Variants in NDUFAF2 observed in about 807,000 individuals in gnomAD.
NDUFAF2 encodes NADH dehydrogenase [ubiquinone] 1 alpha subcomplex assembly factor 2.
NDUFAF2 carries 13 observed loss-of-function variants against 22.8 expected under a neutral mutation model. That is an observed-to-expected ratio of 0.57 (90% CI 0.37 to 0.91). The LOEUF is 0.91. Ranked by LOEUF, NDUFAF2 falls within the 40% of genes least tolerant of loss-of-function variation. The pLI, the probability that NDUFAF2 is intolerant of heterozygous loss-of-function variation, is 0.01. For missense variants in NDUFAF2, 162 were observed against 195.2 expected, an observed-to-expected ratio of 0.83 and a Z score of 1.01; for synonymous variants, 53 against 64.2, an observed-to-expected ratio of 0.83 and a Z score of 0.84.
chr5:60,961,628 T>C (rs1750687351), intron 1 of NDUFAF2, among the ~76,000 whole-genome samples: 1 of 139,872 alleles, frequency 7.1e-6, no homozygotes, highest in Admixed American at 7.3e-5. Context: ...TAGCCAGACA[T>C]GGTGGCAAAT....
chr5:60,987,881 C>T (rs764023720), intron 1 of NDUFAF2, among the ~76,000 whole-genome samples: 4 of 152,178 alleles, frequency 2.6e-5, no homozygotes. Context: ...AGAATGCCCT[C>T]TCCTACCACT....
At chr5:60,985,158 G>T (rs139549771) in intron 1 of NDUFAF2, among the ~76,000 whole-genome samples, 1 of 152,106 alleles carries the variant, frequency 6.6e-6, no homozygotes, top group Admixed American at 6.6e-5. Context: ...TCCATTTCTT[G>T]TAGATTTTCT....
At chr5:61,096,407 T>C (rs937206709) in intron 2 of NDUFAF2, among the ~76,000 whole-genome samples, 73 of 151,910 alleles carry the variant, frequency 4.8e-4, no homozygotes, top group African/African-American at 1.8e-3. Flanking sequence ...GAGACCATTC[T>C]GGCCAACACG....
intron 3 of NDUFAF2, among the ~76,000 whole-genome samples, chr5:61,144,015 C>T (rs1381396844): frequency 6.9e-6 from 1 of 144,640 alleles, no homozygotes; most frequent in East Asian, 2.0e-4. Flanking sequence ...TGTGTTCAAC[C>T]TGCCTTTTTT....
At chr5:61,061,122 A>T (rs150325925) in intron 1 of NDUFAF2, among the ~76,000 whole-genome samples, 97 of 152,276 alleles carry the variant, frequency 6.4e-4, no homozygotes, top group Middle Eastern at 3.4e-3. Context: ...AATATTAGAA[A>T]TCTTATTTCT....
chr5:61,111,253 G>A (rs1579835954), intron 3 of NDUFAF2, among the ~76,000 whole-genome samples: 2 of 152,286 alleles, frequency 1.3e-5, no homozygotes, highest in Admixed American at 1.3e-4. Flanking sequence ...CCTTGAGAAT[G>A]ATCCATGTGC....
intron 1 of NDUFAF2, among the ~76,000 whole-genome samples, chr5:61,062,386 T>G (rs1752176063): frequency 6.6e-6 from 1 of 151,982 alleles, no homozygotes; most frequent in Non-Finnish European, 1.5e-5. Flanking sequence ...AACAGAAATC[T>G]TGGAGCTGAA....
chr5:61,044,033 T>A (rs1366480418), intron 1 of NDUFAF2, among the ~76,000 whole-genome samples: 1 of 152,208 alleles, frequency 6.6e-6, no homozygotes, highest in Non-Finnish European at 1.5e-5. Context: ...TTTGTCTTTT[T>A]GATACTAGTC....
At chr5:60,994,437 A>T (rs534556259) in intron 1 of NDUFAF2, among the ~76,000 whole-genome samples, 1 of 152,148 alleles carries the variant, frequency 6.6e-6, no homozygotes, top group Non-Finnish European at 1.5e-5. Context: ...CGCTCCACCA[A>T]CGTGGAAAGA....
At chr5:61,087,365 T>C (rs1561561300) in intron 2 of NDUFAF2, among the ~76,000 whole-genome samples, 1 of 152,130 alleles carries the variant, frequency 6.6e-6, no homozygotes, top group African/African-American at 2.4e-5. Flanking sequence ...TGGTGGTTTG[T>C]TATGGCAGCC....
chr5:61,101,816 A>G (rs1337145086), intron 3 of NDUFAF2, among the ~76,000 whole-genome samples: 1 of 152,176 alleles, frequency 6.6e-6, no homozygotes, highest in Non-Finnish European at 1.5e-5. Context: ...TGTTGGTAAG[A>G]TACATTAAAT....
chr5:61,072,531 G>C (rs545980537), intron 1 of NDUFAF2, among the ~76,000 whole-genome samples: 124 of 152,242 alleles, frequency 8.1e-4, no homozygotes, highest in Middle Eastern at 6.8e-3. Context: ...TTGGCCATTA[G>C]TGCTCTATAG....
At chr5:61,070,739 G>T (rs1752287034) in intron 1 of NDUFAF2, among the ~76,000 whole-genome samples, 1 of 151,798 alleles carries the variant, frequency 6.6e-6, no homozygotes. Flanking sequence ...TTTTTTTGTT[G>T]CAGATATGCC....
intron 1 of NDUFAF2, among the ~76,000 whole-genome samples, chr5:60,983,925 A>T (rs1751029298): frequency 6.6e-6 from 1 of 152,090 alleles, no homozygotes; most frequent in Admixed American, 6.5e-5. Flanking sequence ...AGTTTTTTCC[A>T]ATTCTGTAAA....
Position 60,966,667 on chromosome 5 carries a change from A to G in NDUFAF2, c.127+21285A>G, listed in dbSNP as rs915927687. Reference sequence around the variant, plus strand: ...TCTTTGTAAAAAATCTATTGATGGTAAATGCATGGCTTTATTTCTGGACAT... The same window carrying G: ...TCTTTGTAAAAAATCTATTGATGGTGAATGCATGGCTTTATTTCTGGACAT... On this transcript the variant is annotated intron_variant, in intron 1 of 3. Coordinates refer to ENST00000296597, the MANE Select transcript of NDUFAF2 (RefSeq NM_174889.5). 2.6e-5 allele frequency among the ~76,000 whole-genome samples: 4 copies of G among 152,102 alleles called. No individual in the cohort carries two copies. The South Asian group carries it at 6.2e-4, about 24-fold the overall frequency.
At chr5:61,004,756 A>G (rs574772665) in intron 1 of NDUFAF2, among the ~76,000 whole-genome samples, 3 of 152,138 alleles carry the variant, frequency 2.0e-5, no homozygotes, top group Admixed American at 2.0e-4. Context: ...TCCAAGACAC[A>G]TACAAAAGAA....
Position 61,096,717 on chromosome 5 carries a change from A to G in NDUFAF2, c.218-2275A>G, listed in dbSNP as rs936006620. Among the ~76,000 whole-genome samples the G allele has an allele frequency of 4.6e-5, 7 of 152,170 alleles. No individual in the cohort carries two copies. In the East Asian group the frequency reaches 1.4e-3, roughly 30 times the overall value. On this transcript the variant is annotated intron_variant, in intron 2 of 3. Coordinates refer to ENST00000296597, the MANE Select transcript of NDUFAF2 (RefSeq NM_174889.5). ...AGTGGCTCACGCCTATAATTCCAGC[A>G]CTTTGGGAGGCCAAGGTGGGAAGAT...
chr5:61,096,409 G>A (rs1057338310), intron 2 of NDUFAF2, among the ~76,000 whole-genome samples: 1 of 151,820 alleles, frequency 6.6e-6, no homozygotes, highest in East Asian at 2.0e-4. Flanking sequence ...GACCATTCTG[G>A]CCAACACGGT....
At chr5:60,959,951 A>G (rs983180322) in intron 1 of NDUFAF2, among the ~76,000 whole-genome samples, 12 of 152,170 alleles carry the variant, frequency 7.9e-5, no homozygotes, top group Non-Finnish European at 1.8e-4. Context: ...TACAAATAGT[A>G]CCACATCTGT....
Sources: gnomAD v4.1 joint callset for allele counts (sites outside exome capture counted in the v4.1 genomes callset) on GRCh38, gnomAD v4.1.1 for gene constraint, MANE v1.5 for transcripts, NCBI Gene and HGNC (gene_info 2026-07-23, HGNC 2026-07-21) for gene names.